PLB1: variants seen among roughly 807,000 people sequenced by gnomAD.
PLB1 encodes the protein phospholipase B1, also known as phospholipase B1, membrane-associated.
PLB1 carries 242 observed loss-of-function variants against 227.4 expected under a neutral mutation model. The observed-to-expected ratio is 1.06, with a 90% confidence interval of 0.96 to 1.18. The LOEUF is 1.18. Among genes scored for constraint, PLB1 ranks in the 50% most tolerant of loss-of-function variants. The pLI, the probability that PLB1 is intolerant of heterozygous loss-of-function variation, is 0.00. For synonymous variants in PLB1, 757 were observed against 682.2 expected (o/e 1.11, Z -1.71); for missense variants, 1,858 against 1,816.3 (o/e 1.02, Z -0.42).
chr2:28,512,390 T>A (rs1668384105), intron 1 of PLB1, among the ~76,000 whole-genome samples: 1 of 152,156 alleles, frequency 6.6e-6, no homozygotes, highest in Non-Finnish European at 1.5e-5. Context: ...CAAATACATA[T>A]AATAGCTGCT....
At chr2:28,603,701 C>A (rs1573361636) in intron 39 of PLB1, among the ~76,000 whole-genome samples, 1 of 152,218 alleles carries the variant, frequency 6.6e-6, no homozygotes, top group East Asian at 1.9e-4. Context: ...GTTGCAGGCC[C>A]AGCACCTGCA....
At chr2:28,549,408 C>CT (rs1572906840) in intron 15 of PLB1, among the ~76,000 whole-genome samples, 2 of 60,674 alleles carry the variant, frequency 3.3e-5, no homozygotes, top group African/African-American at 6.4e-5. Context: ...GAATGAGATT[C>CT]TTTCTTTTTT....
chr2:28,532,817 A>C (rs56888292), intron 9 of PLB1, among the ~76,000 whole-genome samples: 6,462 of 152,282 alleles, frequency 0.042, 466 homozygotes, highest in African/African-American at 0.15. Context: ...TGTATCTTCC[A>C]AGTGCTTTGG....
chr2:28,628,961 T>C, intron 52 of PLB1, 133 bp from the exon 53 acceptor site: 1 of 701,706 alleles, frequency 1.4e-6, no homozygotes, highest in East Asian at 2.7e-5. Flanking sequence ...ATACTACAAG[T>C]TGCATCCCCT....
Position 28,593,700 on chromosome 2 carries a change from C to G in PLB1, c.2267C>G (p.Ser756Cys), listed in dbSNP as rs749835257. ...DSLTAGNGIG[S>C]KPDDLPDVTT... Reference sequence around the variant, plus strand: ...TCAAAGGCTGGCAATGGAATTGGCTCCAAACCAGACGACCTCCCCGATGTC... The same window carrying G: ...TCAAAGGCTGGCAATGGAATTGGCTGCAAACCAGACGACCTCCCCGATGTC... The change falls in exon 33 of 58, where the codon TCC becomes TGC. Residue 756 changes from serine (S) to cysteine (C), a missense_variant. Physicochemically the swap from Ser to Cys is moderately radical, Grantham distance 112. Coordinates refer to ENST00000327757, the MANE Select transcript of PLB1 (RefSeq NM_153021.5). 4 of 1,614,096 alleles carry G rather than the reference C, an allele frequency of 2.5e-6. No homozygotes were observed. The highest frequency in any genetic ancestry group is 3.4e-6 in the Non-Finnish European group (4 of 1,180,012).
chr2:28,540,918 C>G (rs528774474), intron 12 of PLB1, among the ~76,000 whole-genome samples: 1 of 152,262 alleles, frequency 6.6e-6, no homozygotes, highest in East Asian at 1.9e-4. Flanking sequence ...CACCTGTAAT[C>G]CCAGTATTTT....
intron 43 of PLB1, 140 bp downstream of exon 43, chr2:28,606,707 G>A: frequency 1.3e-6 from 1 of 766,040 alleles, no homozygotes; most frequent in Non-Finnish European, 2.2e-6. Flanking sequence ...AGGATGGAGG[G>A]GAGTCCATGA....
chr2:28,507,970 A>G (rs1667815667), intron 1 of PLB1, among the ~76,000 whole-genome samples: 1 of 152,216 alleles, frequency 6.6e-6, no homozygotes, highest in Non-Finnish European at 1.5e-5. Context: ...TTGATCCTAA[A>G]TCATTCTTTG....
At position 28,543,354 on chromosome 2, in the gene PLB1, G is replaced by T. The variant is rs1185129571; in HGVS notation, c.936+86G>T. 6 of 1,400,498 alleles carry T rather than the reference G, an allele frequency of 4.3e-6. No individual in the cohort carries two copies. The African/African-American group carries it at 7.2e-5, about 17-fold the overall frequency. The allele number at this position is 1,400,498 out of a possible 1,614,324, so 86.8% of individuals were successfully genotyped here. ...GAGCCCACCGTGCTGAGGAGGGGCT[G>T]CAGGGCGCCCCAGGATCCCAGGACA... is the stretch of plus-strand genomic sequence containing the variant. On this transcript the variant is annotated intron_variant, in intron 14 of 57. Coordinates refer to ENST00000327757, the MANE Select transcript of PLB1 (RefSeq NM_153021.5).
chr2:28,614,469 C>T (rs1685909281), intron 44 of PLB1, among the ~76,000 whole-genome samples: 2 of 152,066 alleles, frequency 1.3e-5, no homozygotes, highest in Admixed American at 6.5e-5. Flanking sequence ...GAGGGAACTA[C>T]AATTCTGGGG....
chr2:28,517,427 G>A (rs58487363), intron 2 of PLB1, among the ~76,000 whole-genome samples: 87 of 152,250 alleles, frequency 5.7e-4, no homozygotes, highest in African/African-American at 2.0e-3. Context: ...AAGCTGCCCC[G>A]GACCCAGTAC....
At chr2:28,595,518 T>G (rs1177496388) in intron 33 of PLB1, 1 of 152,176 alleles carries the variant, frequency 6.6e-6, no homozygotes, top group African/African-American at 2.4e-5. Context: ...GGAATTCATG[T>G]GTGTATTAGC....
At chr2:28,551,028 A>G (rs538835337) in intron 16 of PLB1, among the ~76,000 whole-genome samples, 10 of 152,328 alleles carry the variant, frequency 6.6e-5, no homozygotes, top group South Asian at 6.2e-4. Flanking sequence ...CGCAACCAGC[A>G]TGGGAGGCTT....
At position 28,605,957 on chromosome 2, in the gene PLB1, A is replaced by AGTGGGGT. The variant is rs780962652; in HGVS notation, c.3057+12_3057+18dup. The AGTGGGGT allele has an allele frequency of 4.9e-5, 78 of 1,590,048 alleles. No individual in the cohort carries two copies. Among genetic ancestry groups the AGTGGGGT allele is most frequent in the Non-Finnish European group, 6.6e-5 (76 of 1,158,264 alleles). ...CCCTTTGGACCAATATGGTAAAATAAGTGGGGTGTTCCTTGTTCTCTGGGG... is the reference window on the plus strand; with the variant it reads ...CCCTTTGGACCAATATGGTAAAATAAGTGGGGTGTGGGGTGTTCCTTGTTCTCTGGGG... On this transcript the variant is annotated intron_variant, in intron 42 of 57. Coordinates refer to ENST00000327757, the MANE Select transcript of PLB1 (RefSeq NM_153021.5).
intron 21 of PLB1, among the ~76,000 whole-genome samples, chr2:28,574,549 AT>A (rs55675067): frequency 3.5e-4 from 45 of 130,146 alleles, no homozygotes; most frequent in East Asian, 1.4e-3. Context: ...TTCCCGGCTA[AT>A]TTTTTTTTTT....
In PLB1 at chr2:28,549,996, A is replaced by G. The variant is rs1174056758; in HGVS notation, c.1009-14A>G. 1 of 1,608,036 alleles carries G rather than the reference A, an allele frequency of 6.2e-7. No homozygotes were observed. Among genetic ancestry groups the G allele is most frequent in the African/African-American group, 1.3e-5 (1 of 74,766 alleles). On this transcript the variant is annotated splice_polypyrimidine_tract_variant and intron_variant, in intron 15 of 57. Transcript: ENST00000327757. The stretch of plus-strand genomic sequence containing the variant: ...TCTAGGGTCACGATTCCAACATGTC[A>G]CCTTTCCCTGCAGGAGAGCCCCTAT...
In PLB1 at chr2:28,585,801, A is replaced by G. The variant is rs150079390; in HGVS notation, c.1774A>G (p.Thr592Ala). ...TGTCCTGAAGTTTGATGATAACTCAACAGAACTTGCTACCCTCATCGAATT... is the reference window on the plus strand; with the variant it reads ...TGTCCTGAAGTTTGATGATAACTCAGCAGAACTTGCTACCCTCATCGAATT... ...PCVLKFDDNS[T>A]ELATLIEFNK... Residue 592 changes from threonine to alanine, a missense_variant, in exon 26 of 58, where the codon ACA (threonine) becomes GCA (alanine). Physicochemically the swap from Thr to Ala is moderately conservative, Grantham distance 58. Transcript: ENST00000327757. 1.5e-4 allele frequency: 249 copies of G among 1,612,880 alleles called. 1 individual carries two copies. The highest frequency in any genetic ancestry group is 2.1e-4 in the Non-Finnish European group (242 of 1,178,832).
chr2:28,532,880 G>C lies in PLB1; in HGVS notation c.555+686G>C, dbSNP rs1261410658. Among the ~76,000 whole-genome samples, 4 of 152,244 alleles carry C rather than the reference G, an allele frequency of 2.6e-5. No individual in the cohort carries two copies. The East Asian group carries it at 7.7e-4, about 29-fold the overall frequency. The stretch of plus-strand genomic sequence containing the variant: ...GTGGTCTCGTTTATTATTTATGTAG[G>C]TGAATATCTATGACTTAAGTCTTTA... On this transcript the variant is annotated intron_variant, in intron 9 of 57. Coordinates refer to ENST00000327757, the MANE Select transcript of PLB1 (RefSeq NM_153021.5).
chr2:28,538,729 G>A (rs1043918989), intron 10 of PLB1, among the ~76,000 whole-genome samples: 2 of 152,170 alleles, frequency 1.3e-5, no homozygotes, highest in African/African-American at 4.8e-5. Flanking sequence ...TGATGCTGCT[G>A]CAGGGTCTGA....
Sources: allele counts gnomAD v4.1 joint callset (sites outside exome capture counted in the v4.1 genomes callset), GRCh38; gene constraint gnomAD v4.1.1; transcripts MANE v1.5; gene names NCBI Gene and HGNC (gene_info 2026-07-23, HGNC 2026-07-21).